GCA: variants seen among roughly 807,000 people sequenced by gnomAD.
The protein encoded by GCA is grancalcin.
A neutral mutation model predicts 32.6 loss-of-function variants in GCA; 30 were observed. That is an observed-to-expected ratio of 0.92 (90% CI 0.69 to 1.25). The LOEUF is 1.25. Ranked by LOEUF, GCA falls within the 50% of genes most tolerant of loss-of-function variation. The pLI is 0.00. For synonymous variants in GCA, 102 were observed against 84.6 expected (o/e 1.21, Z -1.13); for missense variants, 291 against 266.8 (o/e 1.09, Z -0.63).
chr2:162,350,588 A>G (rs1684941067), intron 2 of GCA, among the ~76,000 whole-genome samples: 1 of 152,210 alleles, frequency 6.6e-6, no homozygotes. Flanking sequence ...GTTTGACTAT[A>G]TAATACATTC....
chr2:162,371,797 AC>A, downstream of GCA: 2 of 1,581,078 alleles, frequency 1.3e-6, no homozygotes, highest in Non-Finnish European at 1.7e-6. Context: ...AAAAGCACTT[AC>A]ATTGTATGTG....
intron 2 of GCA, among the ~76,000 whole-genome samples, chr2:162,350,807 C>T (rs761295850): frequency 6.6e-6 from 1 of 152,092 alleles, no homozygotes; most frequent in East Asian, 1.9e-4. Context: ...CCCTACTTGA[C>T]AGGTAGATAT....
chr2:162,356,536 T>C, intron 4 of GCA, 55 bp downstream of exon 4: 1 of 1,117,816 alleles, frequency 8.9e-7, no homozygotes, highest in Non-Finnish European at 1.4e-6. Context: ...GCTTTCTGAC[T>C]ATCAAGCCAG....
chr2:162,329,558 TA>T (rs1166714459), intron 1 of GCA, among the ~76,000 whole-genome samples: 1 of 151,770 alleles, frequency 6.6e-6, no homozygotes, highest in African/African-American at 2.4e-5. Context: ...TAAATTATTA[TA>T]GTTGTACATG....
chr2:162,333,696 T>C (rs1033396119), intron 1 of GCA, among the ~76,000 whole-genome samples: 1 of 152,168 alleles, frequency 6.6e-6, no homozygotes, highest in Non-Finnish European at 1.5e-5. Flanking sequence ...AGATGAAGGA[T>C]TTATGATTTT....
chr2:162,322,799 G>A (rs1274085891), intron 1 of GCA, among the ~76,000 whole-genome samples: 12 of 151,496 alleles, frequency 7.9e-5, no homozygotes, highest in African/African-American at 2.9e-4. Context: ...TCTTAATCCA[G>A]TCTATCACTG....
At position 162,356,420 on chromosome 2, in the gene GCA, A is replaced by C. The variant is rs1685270688; in HGVS notation, c.263-18A>C. On this transcript the variant is annotated intron_variant, in intron 3 of 7. Transcript: ENST00000437150. ...AAGTTGGGCATACTCTAATTTAAAT[A>C]TTGAATATGTTTTACAGCCTTCAGT... 1 of 1,448,480 alleles carries C rather than the reference A, an allele frequency of 6.9e-7. No individual in the cohort carries two copies. The highest frequency in any genetic ancestry group is 9.7e-7 in the Non-Finnish European group (1 of 1,031,784). The allele number at this position is 1,448,480 out of a possible 1,614,324, so 89.7% of individuals were successfully genotyped here. A position where few individuals can be genotyped will look rare whatever the true frequency, so the allele number is the denominator to read the frequency against.
At chr2:162,340,607 G>A (rs1328834645), upstream of GCA, among the ~76,000 whole-genome samples, 2 of 151,934 alleles carry the variant, frequency 1.3e-5, no homozygotes, top group Admixed American at 6.6e-5. Flanking sequence ...CAAACTCTTC[G>A]GTGGCTCCGT....
At chr2:162,363,888 A>G (rs116333604), downstream of GCA, among the ~76,000 whole-genome samples, 699 of 151,624 alleles carry the variant, frequency 4.6e-3, 7 homozygotes, top group African/African-American at 0.016. Flanking sequence ...GTATCTGAAT[A>G]GTGAGTAGAC....
downstream of GCA, among the ~76,000 whole-genome samples, chr2:162,365,439 AAAT>A (rs568420137): frequency 5.9e-5 from 9 of 151,786 alleles, no homozygotes; most frequent in South Asian, 1.4e-3. Context: ...ATTTACTAAA[AAAT>A]AAATATTTCT....
intron 1 of GCA, among the ~76,000 whole-genome samples, chr2:162,347,376 C>G (rs79968944): frequency 0.02 from 3,082 of 152,076 alleles, 117 homozygotes; most frequent in African/African-American, 0.072. Context: ...TCTTTTAATG[C>G]TGGGTAATAT....
intron 1 of GCA, among the ~76,000 whole-genome samples, chr2:162,344,731 T>C (rs996741954): frequency 4.6e-5 from 7 of 152,096 alleles, no homozygotes; most frequent in African/African-American, 1.4e-4. Context: ...TTTACTGTTA[T>C]ACGAAGGGCA....
intron 2 of GCA, among the ~76,000 whole-genome samples, chr2:162,349,948 T>C (rs1284901701): frequency 6.6e-6 from 1 of 152,252 alleles, no homozygotes; most frequent in Non-Finnish European, 1.5e-5. Flanking sequence ...TCACTAGGTC[T>C]AATGTGCTTT....
intron 1 of GCA, chr2:162,319,457 C>T (rs1415047786): frequency 1.8e-5 from 4 of 227,640 alleles, no homozygotes; most frequent in African/African-American, 9.2e-5. Flanking sequence ...AAAAAAATCC[C>T]CCAACAACTT....
At chr2:162,329,105 G>T (rs80118463) in intron 1 of GCA, among the ~76,000 whole-genome samples, 57 of 152,158 alleles carry the variant, frequency 3.7e-4, no homozygotes, top group African/African-American at 8.2e-4. Flanking sequence ...GGTCTCGGGG[G>T]TTTTTTTATA....
intron 1 of GCA, among the ~76,000 whole-genome samples, chr2:162,327,158 C>T (rs1373046730): frequency 6.6e-6 from 1 of 152,148 alleles, no homozygotes; most frequent in Non-Finnish European, 1.5e-5. Context: ...TGCCTGTCAC[C>T]TGGCTTTGGA....
chr2:162,345,331 A>C (rs1684644835), intron 1 of GCA, among the ~76,000 whole-genome samples: 1 of 152,156 alleles, frequency 6.6e-6, no homozygotes, highest in East Asian at 1.9e-4. Context: ...AAGGAAAGTA[A>C]AGCCCCTTCG....
chr2:162,364,818 CGT>C (rs1325126619), downstream of GCA, among the ~76,000 whole-genome samples: 1 of 151,362 alleles, frequency 6.6e-6, no homozygotes, highest in Non-Finnish European at 1.5e-5. Context: ...ATGAAGCAAA[CGT>C]ATGTTATAAA....
chr2:162,371,736 G>T, downstream of GCA: 1 of 1,192,960 alleles, frequency 8.4e-7, no homozygotes, highest in Non-Finnish European at 1.2e-6. Flanking sequence ...TACCTTGTGA[G>T]CCCCTGAGTC....
Sources: allele counts gnomAD v4.1 joint callset (sites outside exome capture counted in the v4.1 genomes callset), GRCh38; gene constraint gnomAD v4.1.1; transcripts MANE v1.5; gene names NCBI Gene and HGNC (gene_info 2026-07-23, HGNC 2026-07-21).